The following ZC3H3 variants were observed in gnomAD, a reference collection of about 807,000 sequenced individuals.
ZC3H3 encodes the protein zinc finger CCCH-type containing 3.
Under a neutral mutation model 77.3 loss-of-function variants are expected in ZC3H3, and 36 were observed. That is an observed-to-expected ratio of 0.47 (90% CI 0.36 to 0.61). The LOEUF (loss-of-function observed/expected upper bound fraction) is 0.61. ZC3H3 is among the 20% of genes least tolerant of loss of function. The pLI is 0.00. For synonymous variants in ZC3H3, 626 were observed against 555.2 expected, an observed-to-expected ratio of 1.13 and a Z score of -1.79; for missense variants, 1,331 against 1,312.2, an observed-to-expected ratio of 1.01 and a Z score of -0.22.
chr8:143,473,345 A>G (rs1820632409), intron 5 of ZC3H3, among the ~76,000 whole-genome samples: 1 of 152,108 alleles, frequency 6.6e-6, no homozygotes, highest in East Asian at 1.9e-4. Flanking sequence ...TCAGCTCATG[A>G]GAAAGGCCTC....
At chr8:143,467,694 A>G (rs1820448083) in intron 8 of ZC3H3, among the ~76,000 whole-genome samples, 1 of 152,156 alleles carries the variant, frequency 6.6e-6, no homozygotes, top group African/African-American at 2.4e-5. Flanking sequence ...CCTTGGCTCA[A>G]AGCAAGTCTG....
At chr8:143,492,292 C>T (rs980910222) in intron 4 of ZC3H3, among the ~76,000 whole-genome samples, 6 of 152,290 alleles carry the variant, frequency 3.9e-5, no homozygotes, top group South Asian at 4.1e-4. Context: ...TCAGGGGATA[C>T]ACACCACGGA....
At chr8:143,537,342 C>G (rs969102022) in intron 2 of ZC3H3, among the ~76,000 whole-genome samples, 1 of 152,212 alleles carries the variant, frequency 6.6e-6, no homozygotes, top group African/African-American at 2.4e-5. Flanking sequence ...CTCAACACTC[C>G]GCAAGGGAGG....
At position 143,468,502 on chromosome 8, in the gene ZC3H3, G is replaced by A. The variant is rs758841171; in HGVS notation, c.1985C>T (p.Ala662Val). Residue 662 changes from alanine to valine, a missense_variant, in exon 7 of 12, where the codon GCG becomes GTG. By Grantham distance (64) the Ala-to-Val change is moderately conservative. Transcript: ENST00000262577. ...CTTCCTCTTCTCCCTGCGCTGCCGC[G>A]CCTGCCGGATGATGGCCAGGCTGCG... ...VQRSLAIIRQ[A>V]RQRREKRKEY... The A allele has an allele frequency of 1.2e-5, 20 of 1,608,630 alleles. No homozygotes were observed. The highest frequency in any genetic ancestry group is 3.4e-5 in the Admixed American group (2 of 59,500).
rs1000693524 is a variant in ZC3H3 at position 143,519,724 on chromosome 8, C to T, written c.1562-11825G>A. The stretch of plus-strand genomic sequence containing the variant: ...TCACCTTTCACAGCCGCAGGCCCCA[C>T]GTTCAGGCCACCTGGGGACAACAGC... On this transcript the variant is annotated intron_variant, in intron 3 of 11. Transcript: ENST00000262577. Among the ~76,000 whole-genome samples the T allele has an allele frequency of 5.4e-4, 82 of 152,312 alleles. 2 individuals carry two copies. The highest frequency in any genetic ancestry group is 1.6e-3 in the African/African-American group (66 of 41,564).
chr8:143,504,550 C>G (rs1200910813), intron 4 of ZC3H3, among the ~76,000 whole-genome samples: 1 of 152,160 alleles, frequency 6.6e-6, no homozygotes, highest in Admixed American at 6.5e-5. Context: ...CCTGAACACC[C>G]CACCACAATC....
chr8:143,468,677 A>G lies in ZC3H3; in HGVS notation c.1904-18T>C. ...CAGCCGGCCTGTGGGGGAGAGAGGC[A>G]CGGGTCATAGCAGGCCACAGCCTGG... On this transcript the variant is annotated intron_variant, in intron 5 of 11. Transcript: ENST00000262577. 1 of 1,547,962 alleles carries G rather than the reference A, an allele frequency of 6.5e-7. No homozygotes were observed. The highest frequency in any genetic ancestry group is 1.2e-5 in the South Asian group (1 of 83,990).
At chr8:143,518,638 G>A (rs1186883128) in intron 3 of ZC3H3, among the ~76,000 whole-genome samples, 2 of 152,256 alleles carry the variant, frequency 1.3e-5, no homozygotes, top group African/African-American at 2.4e-5. Flanking sequence ...GGCACCAGGT[G>A]TGCCCTGAGG....
At chr8:143,454,373 G>A (rs933147063) in intron 9 of ZC3H3, among the ~76,000 whole-genome samples, 1 of 150,774 alleles carries the variant, frequency 6.6e-6, no homozygotes, top group Admixed American at 6.6e-5. Context: ...TTATAGGTGT[G>A]AGCCATCGTG....
At chr8:143,504,698 C>T (rs1821634786) in intron 4 of ZC3H3, among the ~76,000 whole-genome samples, 1 of 152,192 alleles carries the variant, frequency 6.6e-6, no homozygotes, top group African/African-American at 2.4e-5. Context: ...CCTTCATGTG[C>T]ATCCTGGGGC....
chr8:143,523,053 G>A (rs930032672), intron 3 of ZC3H3, among the ~76,000 whole-genome samples: 4 of 152,182 alleles, frequency 2.6e-5, no homozygotes, highest in African/African-American at 9.7e-5. Flanking sequence ...GGCCCCTCAG[G>A]GTCAGGGGCT....
At chr8:143,537,617 T>A (rs1009570278) in intron 2 of ZC3H3, among the ~76,000 whole-genome samples, 10 of 152,084 alleles carry the variant, frequency 6.6e-5, no homozygotes, top group African/African-American at 2.2e-4. Flanking sequence ...TGTCTCACCA[T>A]CCCCCTGGGG....
chr8:143,525,057 C>A (rs554728314), intron 3 of ZC3H3, among the ~76,000 whole-genome samples: 2 of 152,282 alleles, frequency 1.3e-5, no homozygotes, highest in African/African-American at 4.8e-5. Context: ...TAGCCACACA[C>A]CTCCCTTGAA....
Position 143,536,356 on chromosome 8 carries a change from G to T in ZC3H3, c.1462C>A (p.Pro488Thr). Residue 488 changes from proline to threonine, a missense_variant, in exon 3 of 12, where the codon CCT (proline) becomes ACT (threonine). Coordinates refer to ENST00000262577, the MANE Select transcript of ZC3H3 (RefSeq NM_015117.3). The stretch of plus-strand genomic sequence containing the variant: ...TTGTTGGGGGTCTTCTTCAGGACAG[G>T]GCTGCTCTTCCCCCTGAGGGCCTGT... The part of the protein sequence containing the change: ...RRQALRGKSS[P>T]VLKKTPNKGL... 6.2e-7 allele frequency: 1 copy of T among 1,605,362 alleles called. No individual in the cohort carries two copies. The highest frequency in any genetic ancestry group is 2.2e-5 in the East Asian group (1 of 44,578).
rs567441283 is a variant in ZC3H3 at position 143,529,605 on chromosome 8, G to C, written c.1561+6652C>G. ...GGAAATGTCGCACCACAGTCGGGGGGAGACCCCACACAGGACTGGGCGGGC... is the reference window on the plus strand; with the variant it reads ...GGAAATGTCGCACCACAGTCGGGGGCAGACCCCACACAGGACTGGGCGGGC... On this transcript the variant is annotated intron_variant, in intron 3 of 11. Coordinates refer to ENST00000262577, the MANE Select transcript of ZC3H3 (RefSeq NM_015117.3). 7.9e-5 allele frequency among the ~76,000 whole-genome samples: 12 copies of C among 152,342 alleles called. No homozygotes were observed. The South Asian group carries it at 2.3e-3, about 29-fold the overall frequency.
At chr8:143,478,897 G>C (rs531955492) in intron 4 of ZC3H3, among the ~76,000 whole-genome samples, 2 of 152,250 alleles carry the variant, frequency 1.3e-5, no homozygotes, top group Non-Finnish European at 2.9e-5. Flanking sequence ...TGGAGTGTGA[G>C]AACACCCAGA....
Position 143,466,090 on chromosome 8 carries a change from T to C in ZC3H3, c.2176-242A>G, listed in dbSNP as rs753324632. ...GTCCAGAGGAGGCATGGAGCAGCCC[T>C]GTAGCCCTGTGGCTCAGCCTCAGGG... On this transcript the variant is annotated intron_variant, in intron 8 of 11. Transcript: ENST00000262577. 3.3e-5 allele frequency among the ~76,000 whole-genome samples: 5 copies of C among 152,184 alleles called. 1 individual carries two copies. Among genetic ancestry groups the C allele is most frequent in the Non-Finnish European group, 7.4e-5 (5 of 67,998 alleles).
intron 3 of ZC3H3, among the ~76,000 whole-genome samples, chr8:143,527,460 G>C (rs1822452803): frequency 6.6e-6 from 1 of 152,114 alleles, no homozygotes; most frequent in Non-Finnish European, 1.5e-5. Flanking sequence ...CCACAGCACA[G>C]TGCAGCACCA....
Position 143,507,944 on chromosome 8 carries a change from G to A in ZC3H3, c.1562-45C>T, listed in dbSNP as rs199766521. Reference sequence around the variant, plus strand: ...CACAGACATGGGTCAGGGAAGGCCGGCAAGGGTAGGGTCAGAGAGGCCACC... The same window carrying A: ...CACAGACATGGGTCAGGGAAGGCCGACAAGGGTAGGGTCAGAGAGGCCACC... On this transcript the variant is annotated intron_variant, in intron 3 of 11. Transcript: ENST00000262577. 10,836 of 1,517,720 alleles carry A rather than the reference G, an allele frequency of 7.1e-3. 43 individuals carry two copies. The highest frequency in any genetic ancestry group is 8.9e-3 in the Non-Finnish European group (9,976 of 1,126,788). 94.0% of individuals were successfully genotyped at this position (1,517,720 alleles called of 1,614,324 possible).
Sources: allele counts gnomAD v4.1 joint callset (sites outside exome capture counted in the v4.1 genomes callset), GRCh38; gene constraint gnomAD v4.1.1; transcripts MANE v1.5; gene names NCBI Gene and HGNC (gene_info 2026-07-23, HGNC 2026-07-21).